LARS2: variants seen among roughly 807,000 people sequenced by gnomAD.
The protein encoded by LARS2 is leucyl-tRNA synthetase 2, mitochondrial.
LARS2 carries 81 observed loss-of-function variants against 116.6 expected under a neutral mutation model. That is an observed-to-expected ratio of 0.69 (90% CI 0.58 to 0.84). The LOEUF is 0.84. LARS2 is among the 40% of genes least tolerant of loss of function. The pLI is 0.00. For synonymous variants in LARS2, 396 were observed against 407.2 expected, an observed-to-expected ratio of 0.97 and a Z score of 0.33; for missense variants, 968 against 1,114.5, an observed-to-expected ratio of 0.87 and a Z score of 1.87.
chr3:45,403,112 CAA>C (rs1160287597), intron 4 of LARS2, among the ~76,000 whole-genome samples: 3 of 85,396 alleles, frequency 3.5e-5, no homozygotes, highest in Middle Eastern at 8.1e-3. Context: ...TCTCCAAAGA[CAA>C]AAAAAAAAAA....
intron 14 of LARS2, among the ~76,000 whole-genome samples, chr3:45,496,971 G>A (rs914433332): frequency 6.6e-6 from 1 of 152,220 alleles, no homozygotes; most frequent in African/African-American, 2.4e-5. Context: ...TTGTATGATT[G>A]TAAAGATGTA....
chr3:45,415,880 G>T lies in LARS2; in HGVS notation c.364-1602G>T, dbSNP rs1346781726. 1.7e-3 allele frequency among the ~76,000 whole-genome samples: 166 copies of T among 100,272 alleles called. 3 individuals are homozygous for T. The highest frequency in any genetic ancestry group is 4.7e-3 in the African/African-American group (44 of 9,318). 65.8% of individuals were successfully genotyped at this position (100,272 alleles called of 152,430 possible). A position where few individuals can be genotyped will look rare whatever the true frequency, so the allele number is the denominator to read the frequency against. On this transcript the variant is annotated intron_variant, in intron 4 of 21. Coordinates refer to ENST00000645846, the MANE Select transcript of LARS2 (RefSeq NM_015340.4). ...AAAAAAATATATATATATATATAGA[G>T]AGAGAGAGAGAGGGAGAGAGAGAGA...
At chr3:45,455,555 T>C (rs527423065) in intron 7 of LARS2, among the ~76,000 whole-genome samples, 1 of 152,170 alleles carries the variant, frequency 6.6e-6, no homozygotes, top group Non-Finnish European at 1.5e-5. Flanking sequence ...AAATGTAAAT[T>C]GCTATAGCCA....
intron 20 of LARS2, among the ~76,000 whole-genome samples, chr3:45,534,226 G>A (rs962079649): frequency 6.6e-6 from 1 of 152,152 alleles, no homozygotes; most frequent in African/African-American, 2.4e-5. Flanking sequence ...GCCCAGGCAA[G>A]TGAGGAGTCG....
chr3:45,438,342 T>C (rs4682786), intron 6 of LARS2, among the ~76,000 whole-genome samples: 133,187 of 152,058 alleles, frequency 0.88, 60,988 homozygotes, highest in East Asian at 1. Context: ...CACTGCTTGA[T>C]GCCCCTCTAA....
chr3:45,409,414 C>G (rs1334282054), intron 4 of LARS2, among the ~76,000 whole-genome samples: 1 of 152,064 alleles, frequency 6.6e-6, no homozygotes, highest in African/African-American at 2.4e-5. Flanking sequence ...AGAAAGTGTA[C>G]CATGTATCTA....
At chr3:45,453,318 CTTGTTGA>C (rs1177614689) in intron 7 of LARS2, among the ~76,000 whole-genome samples, 1 of 152,014 alleles carries the variant, frequency 6.6e-6, no homozygotes, top group East Asian at 1.9e-4. Context: ...CTGTATGGTA[CTTGTTGA>C]TTATCAGTCT....
At chr3:45,392,310 T>A (rs1467049101) in intron 2 of LARS2, among the ~76,000 whole-genome samples, 2 of 151,538 alleles carry the variant, frequency 1.3e-5, no homozygotes, top group Non-Finnish European at 3.0e-5. Context: ...ATCTTTTTTT[T>A]TTTTTTTTTG....
chr3:45,427,619 T>C (rs111655005), intron 6 of LARS2, among the ~76,000 whole-genome samples: 1 of 152,148 alleles, frequency 6.6e-6, no homozygotes, highest in African/African-American at 2.4e-5. Flanking sequence ...TAGACATATA[T>C]AGACTAGAGC....
At chr3:45,457,697 C>T (rs1344151935) in intron 7 of LARS2, among the ~76,000 whole-genome samples, 1 of 151,978 alleles carries the variant, frequency 6.6e-6, no homozygotes. Context: ...AAAAAAATTA[C>T]AAAAAATGTG....
intron 14 of LARS2, 66 bp from the exon 15 acceptor site, chr3:45,500,376 G>T: frequency 6.9e-7 from 1 of 1,453,984 alleles, no homozygotes; most frequent in Non-Finnish European, 9.5e-7. Context: ...ATTACAATAG[G>T]CCTGTTTAAT....
chr3:45,430,694 C>G (rs1336097808), intron 6 of LARS2, among the ~76,000 whole-genome samples: 1 of 148,452 alleles, frequency 6.7e-6, no homozygotes, highest in Non-Finnish European at 1.5e-5. Flanking sequence ...ACGTCATTCT[C>G]CTGCCTCAGC....
chr3:45,507,733 C>G (rs1207978512), intron 15 of LARS2, among the ~76,000 whole-genome samples: 1 of 152,042 alleles, frequency 6.6e-6, no homozygotes, highest in African/African-American at 2.4e-5. Flanking sequence ...CATATATACA[C>G]ATACTCAAAG....
chr3:45,452,341 A>G (rs899869129), intron 7 of LARS2, among the ~76,000 whole-genome samples: 1 of 150,330 alleles, frequency 6.7e-6, no homozygotes, highest in Admixed American at 6.6e-5. Context: ...TATGGCCTTT[A>G]TCATGTTGAG....
Position 45,533,055 on chromosome 3 carries a change from A to AT in LARS2, c.2405-8773dup, listed in dbSNP as rs1700641895. ...TATTAGGCCCTGACAAGCTGCAGCC[A>AT]TATTATATTATATTTTGCAGACTTT... On this transcript the variant is annotated intron_variant, in intron 20 of 21. Coordinates refer to ENST00000645846, the MANE Select transcript of LARS2 (RefSeq NM_015340.4). 2.0e-5 allele frequency among the ~76,000 whole-genome samples: 3 copies of AT among 150,318 alleles called. No individual in the cohort carries two copies. The South Asian group carries it at 6.3e-4, about 32-fold the overall frequency.
intron 15 of LARS2, among the ~76,000 whole-genome samples, chr3:45,510,498 A>C (rs1700272262): frequency 6.6e-6 from 1 of 152,224 alleles, no homozygotes; most frequent in Non-Finnish European, 1.5e-5. Context: ...AATAGCTGCT[A>C]GATACAATTA....
intron 10 of LARS2, among the ~76,000 whole-genome samples, chr3:45,479,044 C>T (rs959834018): frequency 6.6e-6 from 1 of 152,046 alleles, no homozygotes; most frequent in Non-Finnish European, 1.5e-5. Context: ...GCAGTGACCA[C>T]CGAGTGTCAT....
chr3:45,509,519 T>C (rs1254089536), intron 15 of LARS2: 1 of 152,122 alleles, frequency 6.6e-6, no homozygotes. Flanking sequence ...GTAGTGCTGA[T>C]GGTTATTTAT....
intron 12 of LARS2, 139 bp downstream of exon 12, chr3:45,488,951 C>T: frequency 4.5e-6 from 3 of 664,134 alleles, no homozygotes; most frequent in Non-Finnish European, 8.2e-6. Flanking sequence ...TCTATCAGAA[C>T]AAAATAATAT....
Sources: gnomAD v4.1 joint callset for allele counts (sites outside exome capture counted in the v4.1 genomes callset) on GRCh38, gnomAD v4.1.1 for gene constraint, MANE v1.5 for transcripts, NCBI Gene and HGNC (gene_info 2026-07-23, HGNC 2026-07-21) for gene names.